TMTC1: variants seen among roughly 807,000 people sequenced by gnomAD.
TMTC1 encodes the protein protein O-mannosyl-transferase TMTC1.
Under a neutral mutation model 104.8 loss-of-function variants are expected in TMTC1, and 73 were observed. That is an observed-to-expected ratio of 0.70 (90% confidence interval 0.58 to 0.85). The LOEUF (loss-of-function observed/expected upper bound fraction) is 0.85. Among genes scored for constraint, TMTC1 ranks in the 40% least tolerant of loss-of-function variants. TMTC1 has a pLI of 0.00. For synonymous variants in TMTC1, 434 were observed against 428.7 expected (o/e 1.01, Z -0.15); for missense variants, 1,035 against 1,096.1 (o/e 0.94, Z 0.79).
At chr12:29,516,229 T>C in intron 15 of TMTC1, 120 bp downstream of exon 15, 1 of 1,260,502 alleles carries the variant, frequency 7.9e-7, no homozygotes. Flanking sequence ...AGATAGGATA[T>C]GCTGACGGAT....
At chr12:29,660,653 G>A in intron 5 of TMTC1, 1 of 261,746 alleles carries the variant, frequency 3.8e-6, no homozygotes, top group Non-Finnish European at 6.9e-6. Flanking sequence ...TAACATTACG[G>A]CATGCCAACT....
At chr12:29,759,010 C>A (rs1015457277) in intron 2 of TMTC1, among the ~76,000 whole-genome samples, 1 of 152,108 alleles carries the variant, frequency 6.6e-6, no homozygotes, top group Non-Finnish European at 1.5e-5. Flanking sequence ...GGCAAGATTT[C>A]CACACTTTAT....
intron 2 of TMTC1, among the ~76,000 whole-genome samples, chr12:29,763,712 T>C (rs1943403144): frequency 6.6e-6 from 1 of 152,168 alleles, no homozygotes; most frequent in Non-Finnish European, 1.5e-5. Flanking sequence ...ATGTAAACTG[T>C]GACTTAAACA....
intron 5 of TMTC1, among the ~76,000 whole-genome samples, chr12:29,742,283 A>G (rs989320046): frequency 3.3e-5 from 5 of 152,076 alleles, no homozygotes; most frequent in African/African-American, 1.2e-4. Flanking sequence ...TATTTTTCCA[A>G]ATTATATATA....
At chr12:29,763,110 A>C (rs1202975986) in intron 2 of TMTC1, among the ~76,000 whole-genome samples, 1 of 152,256 alleles carries the variant, frequency 6.6e-6, no homozygotes, top group Non-Finnish European at 1.5e-5. Flanking sequence ...AGACAAGCTT[A>C]ACTAATGTGT....
intron 5 of TMTC1, among the ~76,000 whole-genome samples, chr12:29,748,306 C>A (rs1296433622): frequency 6.6e-6 from 1 of 152,202 alleles, no homozygotes; most frequent in African/African-American, 2.4e-5. Flanking sequence ...AGCACCAATA[C>A]CCCATACTGA....
At chr12:29,527,252 A>G (rs1027411635) in intron 11 of TMTC1, among the ~76,000 whole-genome samples, 2 of 152,206 alleles carry the variant, frequency 1.3e-5, no homozygotes, top group South Asian at 4.1e-4. Flanking sequence ...TTTTTCAATC[A>G]AAAGATCTGA....
chr12:29,710,636 TTA>T (rs1283974741), intron 5 of TMTC1, among the ~76,000 whole-genome samples: 27 of 143,082 alleles, frequency 1.9e-4, no homozygotes, highest in African/African-American at 4.1e-4. Flanking sequence ...ATTTTTATAT[TTA>T]TGTTATAATT....
intron 9 of TMTC1, among the ~76,000 whole-genome samples, chr12:29,568,248 A>T (rs190113020): frequency 6.6e-6 from 1 of 152,304 alleles, no homozygotes; most frequent in East Asian, 1.9e-4. Context: ...ATTTAGTTAC[A>T]CCGGGAGAAA....
intron 5 of TMTC1, among the ~76,000 whole-genome samples, chr12:29,685,096 C>T (rs1002571999): frequency 6.6e-6 from 1 of 151,910 alleles, no homozygotes; most frequent in Admixed American, 6.6e-5. Context: ...ACAGCTAAAT[C>T]GCATTTACCG....
intron 5 of TMTC1, among the ~76,000 whole-genome samples, chr12:29,739,392 T>C (rs1410828667): frequency 1.3e-5 from 2 of 152,188 alleles, no homozygotes; most frequent in Admixed American, 1.3e-4. Context: ...GGAGATACTA[T>C]CATTGTCTCA....
At chr12:29,731,193 T>A (rs1301968121) in intron 5 of TMTC1, among the ~76,000 whole-genome samples, 1 of 152,170 alleles carries the variant, frequency 6.6e-6, no homozygotes, top group African/African-American at 2.4e-5. Flanking sequence ...TATTTATTTA[T>A]ATAAAAAGGC....
Position 29,506,691 on chromosome 12 carries a change from TG to T in TMTC1, c.*154del, listed in dbSNP as rs1190102712. ...CATGGAAAAGCAAGTCCTTCAGCACTGGGCTACCAGCAGATGTCCCAAAATG... is the reference window on the plus strand; with the variant it reads ...CATGGAAAAGCAAGTCCTTCAGCACTGGCTACCAGCAGATGTCCCAAAATG... On this transcript the variant is annotated 3_prime_UTR_variant, in exon 18 of 18. Coordinates refer to ENST00000539277, the MANE Select transcript of TMTC1 (RefSeq NM_001193451.2). 2.2e-6 allele frequency: 2 copies of T among 897,688 alleles called. No individual in the cohort carries two copies. Among genetic ancestry groups the T allele is most frequent in the Non-Finnish European group, 3.4e-6 (2 of 579,870 alleles). 55.6% of individuals were successfully genotyped at this position (897,688 alleles called of 1,614,324 possible).
intron 5 of TMTC1, among the ~76,000 whole-genome samples, chr12:29,741,857 T>C (rs533784437): frequency 3.5e-4 from 53 of 152,364 alleles, no homozygotes; most frequent in African/African-American, 1.2e-3. Flanking sequence ...ATGGTTTACC[T>C]TTATAACCTT....
chr12:29,643,589 AAT>A (rs1938997866), intron 5 of TMTC1, among the ~76,000 whole-genome samples: 1 of 66,946 alleles, frequency 1.5e-5, no homozygotes, highest in South Asian at 3.7e-4. Context: ...GTCATATATA[AAT>A]ATATATTATA....
rs554151571 is a variant in TMTC1 at position 29,551,078 on chromosome 12, G to A, written c.1676+5779C>T. ...GAAGTAACTAAAGGTGGAGGGAACAGGTCACTACCACAGGGGTGCAGAGTG... is the reference window on the plus strand; with the variant it reads ...GAAGTAACTAAAGGTGGAGGGAACAAGTCACTACCACAGGGGTGCAGAGTG... On this transcript the variant is annotated intron_variant, in intron 10 of 17. Coordinates refer to ENST00000539277, the MANE Select transcript of TMTC1 (RefSeq NM_001193451.2). 2.6e-5 allele frequency among the ~76,000 whole-genome samples: 4 copies of A among 152,150 alleles called. No individual in the cohort carries two copies. In the East Asian group the frequency reaches 7.7e-4, roughly 29 times the overall value.
At chr12:29,645,165 G>A (rs1023767434) in intron 5 of TMTC1, among the ~76,000 whole-genome samples, 16 of 152,142 alleles carry the variant, frequency 1.1e-4, no homozygotes, top group African/African-American at 3.9e-4. Context: ...TTAGAATCTG[G>A]AAATACTTGA....
intron 9 of TMTC1, among the ~76,000 whole-genome samples, chr12:29,565,032 C>G (rs537016110): frequency 4.9e-4 from 75 of 152,210 alleles, no homozygotes; most frequent in African/African-American, 1.7e-3. Context: ...ACAGAAGCAA[C>G]AGGATGTGTA....
At chr12:29,574,850 C>T (rs1945778402) in intron 8 of TMTC1, among the ~76,000 whole-genome samples, 1 of 152,182 alleles carries the variant, frequency 6.6e-6, no homozygotes, top group Admixed American at 6.6e-5. Context: ...GGGATGCAAA[C>T]ATTCAGTCCT....
Sources: allele counts gnomAD v4.1 joint callset (sites outside exome capture counted in the v4.1 genomes callset), GRCh38; gene constraint gnomAD v4.1.1; transcripts MANE v1.5; gene names NCBI Gene and HGNC (gene_info 2026-07-23, HGNC 2026-07-21).